The following RBFOX1 variants were observed in gnomAD, a reference collection of about 807,000 sequenced individuals.
The protein encoded by RBFOX1 is RNA binding protein fox-1 homolog 1.
In RBFOX1, 8 loss-of-function variants were observed where a neutral mutation model predicts 57.7. The ratio of observed to expected loss-of-function variants is 0.14; its 90% CI spans 0.08 to 0.25. The LOEUF is 0.25. RBFOX1 is among the 10% of genes least tolerant of loss of function. The probability of loss-of-function intolerance (pLI) is 1.00; values close to 1 mark genes in which losing one functional copy is unlikely to be tolerated. For synonymous variants in RBFOX1, 326 were observed against 222.4 expected (o/e 1.47, Z -4.15); for missense variants, 611 against 548.5 (o/e 1.11, Z -1.14).
intron 4 of RBFOX1, among the ~76,000 whole-genome samples, chr16:7,079,935 AAT>A (rs1305209500): frequency 6.6e-6 from 1 of 151,586 alleles, no homozygotes; most frequent in Non-Finnish European, 1.5e-5. Flanking sequence ...GTTGCCCAAC[AAT>A]GTGAATGTAC....
Position 7,615,887 on chromosome 16 carries a change from C to T in RBFOX1, c.676+8549C>T, listed in dbSNP as rs377504331. 1.4e-4 allele frequency among the ~76,000 whole-genome samples: 22 copies of T among 152,274 alleles called. No homozygotes were observed. The East Asian group carries it at 1.5e-3, about 11-fold the overall frequency. ...GTTTGAGAAATTCTGTCCTCATTGA[C>T]GCTATTCGAGATGCCACATATTCAC... On this transcript the variant is annotated intron_variant, in intron 10 of 15. Transcript: ENST00000550418.
chr16:6,505,151 T>C (rs2096057659), intron 2 of RBFOX1, among the ~76,000 whole-genome samples: 1 of 152,234 alleles, frequency 6.6e-6, no homozygotes, highest in African/African-American at 2.4e-5. Flanking sequence ...TGGGGGTTTC[T>C]GCCCTAGTTA....
chr16:6,314,627 G>A (rs1403235162), intron 1 of RBFOX1, among the ~76,000 whole-genome samples: 1 of 151,824 alleles, frequency 6.6e-6, no homozygotes, highest in African/African-American at 2.4e-5. Flanking sequence ...TAGAATGTAA[G>A]GATATGTTCG....
At chr16:7,281,207 T>G in intron 4 of RBFOX1, among the ~76,000 whole-genome samples, 1 of 151,908 alleles carries the variant, frequency 6.6e-6, no homozygotes, top group East Asian at 1.9e-4. Context: ...TTCACTGTGT[T>G]GGCCAAGCTG....
At chr16:6,284,227 C>T (rs574150063) in intron 1 of RBFOX1, among the ~76,000 whole-genome samples, 137 of 152,264 alleles carry the variant, frequency 9.0e-4, no homozygotes, top group African/African-American at 2.7e-3. Context: ...CATGCTTTGG[C>T]TTTGCTATTG....
chr16:7,322,253 C>T (rs1187853506), intron 4 of RBFOX1, among the ~76,000 whole-genome samples: 1 of 152,238 alleles, frequency 6.6e-6, no homozygotes, highest in African/African-American at 2.4e-5. Context: ...TAAGCACAGA[C>T]TTGCTTTTAC....
intron 4 of RBFOX1, among the ~76,000 whole-genome samples, chr16:7,496,549 A>T (rs555225120): frequency 1.3e-5 from 2 of 152,076 alleles, no homozygotes; most frequent in African/African-American, 4.8e-5. Context: ...ACATGAGTTT[A>T]ATCATCATCA....
intron 5 of RBFOX1, among the ~76,000 whole-genome samples, chr16:7,566,425 C>A (rs2091702626): frequency 6.6e-6 from 1 of 152,104 alleles, no homozygotes; most frequent in Admixed American, 6.5e-5. Context: ...TTAGACTTTC[C>A]AGAGCATTTT....
At chr16:6,745,628 A>G (rs1159407913) in intron 3 of RBFOX1, among the ~76,000 whole-genome samples, 1 of 152,234 alleles carries the variant, frequency 6.6e-6, no homozygotes, top group African/African-American at 2.4e-5. Flanking sequence ...GCTCAGCAAG[A>G]ATAGAAGATA....
intron 4 of RBFOX1, among the ~76,000 whole-genome samples, chr16:7,192,187 C>T (rs2085562533): frequency 6.6e-6 from 1 of 152,198 alleles, no homozygotes; most frequent in Admixed American, 6.5e-5. Flanking sequence ...AGTTCTGATG[C>T]CAGATTTCTC....
intron 4 of RBFOX1, among the ~76,000 whole-genome samples, chr16:7,481,241 A>G (rs1301602802): frequency 6.6e-6 from 1 of 152,206 alleles, no homozygotes; most frequent in Non-Finnish European, 1.5e-5. Context: ...ATATACAGCA[A>G]GAAACATAGA....
chr16:6,812,432 G>A (rs924934841), intron 3 of RBFOX1, among the ~76,000 whole-genome samples: 2 of 152,092 alleles, frequency 1.3e-5, no homozygotes, highest in Admixed American at 6.6e-5. Context: ...GGAGTGCAGT[G>A]GCCCGATCTC....
intron 4 of RBFOX1, among the ~76,000 whole-genome samples, chr16:7,426,250 G>A (rs1008062169): frequency 6.6e-6 from 1 of 151,942 alleles, no homozygotes; most frequent in African/African-American, 2.4e-5. Flanking sequence ...TCTTTTTTCT[G>A]CTTGACAGTG....
intron 2 of RBFOX1, among the ~76,000 whole-genome samples, chr16:6,548,745 G>T (rs2096929717): frequency 6.6e-6 from 1 of 152,060 alleles, no homozygotes; most frequent in African/African-American, 2.4e-5. Context: ...TTGGTACCAG[G>T]CATCGTTAGG....
intron 3 of RBFOX1, among the ~76,000 whole-genome samples, chr16:6,780,996 G>T (rs1018833801): frequency 6.6e-6 from 1 of 151,992 alleles, no homozygotes; most frequent in Non-Finnish European, 1.5e-5. Context: ...TTTTTAGCTT[G>T]ATGTGATCCC....
At chr16:5,629,831 C>A (rs182972580) in intron 3 of RBFOX1, among the ~76,000 whole-genome samples, 2 of 152,310 alleles carry the variant, frequency 1.3e-5, no homozygotes, top group African/African-American at 2.4e-5. Flanking sequence ...AGTCCATTAG[C>A]ACTGGAGTGA....
At chr16:7,012,646 CCTTT>C (rs1259624161) in intron 3 of RBFOX1, among the ~76,000 whole-genome samples, 4 of 152,152 alleles carry the variant, frequency 2.6e-5, no homozygotes, top group African/African-American at 9.7e-5. Flanking sequence ...ATCCAACAGA[CCTTT>C]CTTTATTATG....
At chr16:6,307,263 A>T (rs1236037910) in intron 1 of RBFOX1, among the ~76,000 whole-genome samples, 1 of 152,150 alleles carries the variant, frequency 6.6e-6, no homozygotes, top group African/African-American at 2.4e-5. Flanking sequence ...GATAGTAATC[A>T]TTATTGCCGG....
chr16:7,709,985 A>G (rs999005275), intron 15 of RBFOX1: 2 of 1,008,226 alleles, frequency 2.0e-6, no homozygotes, highest in African/African-American at 1.7e-5. Context: ...ATACTTTTAG[A>G]AAAAGGAAAT....
Sources: gnomAD v4.1 joint callset for allele counts (sites outside exome capture counted in the v4.1 genomes callset) on GRCh38, gnomAD v4.1.1 for gene constraint, MANE v1.5 for transcripts, NCBI Gene and HGNC (gene_info 2026-07-23, HGNC 2026-07-21) for gene names.